The following CSMD1 variants were observed in gnomAD, a reference collection of about 807,000 sequenced individuals.
The protein encoded by CSMD1 is CUB and sushi domain-containing protein 1.
CSMD1 carries 213 observed loss-of-function variants against 417.5 expected under a neutral mutation model. The observed-to-expected ratio is 0.51, with a 90% confidence interval of 0.46 to 0.57. The LOEUF (loss-of-function observed/expected upper bound fraction) is 0.57, where lower values mean the gene tolerates loss of function less well. CSMD1 is among the 20% of genes least tolerant of loss of function. The pLI is 0.00. For missense variants in CSMD1, 6,923 were observed against 4,529.7 expected (o/e 1.53, Z -15.17); for synonymous variants, 2,862 against 1,736.8 (o/e 1.65, Z -16.11).
At chr8:3,306,166 A>T (rs1319569118) in intron 25 of CSMD1, among the ~76,000 whole-genome samples, 1 of 151,880 alleles carries the variant, frequency 6.6e-6, no homozygotes, top group Non-Finnish European at 1.5e-5. Context: ...ATAGGGTTGC[A>T]GTGAAGTAAG....
Position 4,701,912 on chromosome 8 carries a change from G to A in CSMD1, c.86-64354C>T, listed in dbSNP as rs142707462. Among the ~76,000 whole-genome samples, 3 of 152,148 alleles carry A rather than the reference G, an allele frequency of 2.0e-5. 1 individual carries two copies. Among genetic ancestry groups the A allele is most frequent in the African/African-American group, 7.2e-5 (3 of 41,432 alleles). On this transcript the variant is annotated intron_variant, in intron 1 of 69. Coordinates refer to ENST00000635120, the MANE Select transcript of CSMD1 (RefSeq NM_033225.6). Reference sequence around the variant, plus strand: ...AGAACATGTGGCACACGTACACTGTGGAATACTATGCAGCCATAAAAAGGA... The same window carrying A: ...AGAACATGTGGCACACGTACACTGTAGAATACTATGCAGCCATAAAAAGGA...
rs149362580 is a variant in CSMD1, at chr8:3,511,655, G to C, written c.1345-17929C>G. On this transcript the variant is annotated intron_variant, in intron 10 of 69. Coordinates refer to ENST00000635120, the MANE Select transcript of CSMD1 (RefSeq NM_033225.6). ...TGTCTGTGATCCCAGCTACTCAGGA[G>C]GCAAAGGCAGGAGAATCCCTTGAAC... is the stretch of plus-strand genomic sequence containing the variant. Among the ~76,000 whole-genome samples, 317 of 149,712 alleles carry C rather than the reference G, an allele frequency of 2.1e-3. 5 individuals carry two copies. The highest frequency in any genetic ancestry group is 7.8e-3 in the African/African-American group (305 of 39,274).
intron 26 of CSMD1, chr8:3,278,777 A>C (rs1439070649): frequency 6.6e-6 from 1 of 152,048 alleles, no homozygotes; most frequent in Non-Finnish European, 1.5e-5. Context: ...GCTGTTTTGC[A>C]CTTTGTGAAG....
chr8:3,304,617 A>G (rs971583092), intron 25 of CSMD1, among the ~76,000 whole-genome samples: 1 of 152,032 alleles, frequency 6.6e-6, no homozygotes, highest in Non-Finnish European at 1.5e-5. Flanking sequence ...TGTATTTATA[A>G]ATTTGATAGT....
At chr8:4,522,879 G>C (rs1373584832) in intron 2 of CSMD1, among the ~76,000 whole-genome samples, 1 of 152,122 alleles carries the variant, frequency 6.6e-6, no homozygotes, top group Non-Finnish European at 1.5e-5. Flanking sequence ...TGTTCTCCAG[G>C]AGCTTACTTC....
intron 49 of CSMD1, among the ~76,000 whole-genome samples, chr8:3,076,271 T>C (rs115826923): frequency 0.03 from 2,535 of 83,530 alleles, 65 homozygotes; most frequent in African/African-American, 0.13. Context: ...GCTGTGTCCC[T>C]GCATGGTCGC....
At chr8:3,856,607 G>A (rs1038534583) in intron 5 of CSMD1, among the ~76,000 whole-genome samples, 1 of 152,162 alleles carries the variant, frequency 6.6e-6, no homozygotes, top group Non-Finnish European at 1.5e-5. Context: ...ATATTTTATA[G>A]TCCTTTTCTA....
intron 1 of CSMD1, among the ~76,000 whole-genome samples, chr8:4,907,584 G>C (rs1585305097): frequency 1.3e-5 from 2 of 151,994 alleles, no homozygotes; most frequent in Non-Finnish European, 2.9e-5. Context: ...TTTTGAGACA[G>C]GTTTTCACTC....
Position 3,416,296 on chromosome 8 carries a change from C to G in CSMD1, c.1562-6691G>C, listed in dbSNP as rs552757777. On this transcript the variant is annotated intron_variant, in intron 12 of 69. Coordinates refer to ENST00000635120, the MANE Select transcript of CSMD1 (RefSeq NM_033225.6). ...CCAGCCTGAGCCACAGAGCCAGACT[C>G]CGTCTCAAAAAAAAAAAAAAAAAAA... Among the ~76,000 whole-genome samples the G allele has an allele frequency of 3.5e-4, 35 of 100,690 alleles. No homozygotes were observed. The South Asian group carries it at 0.013, about 36-fold the overall frequency. 66.1% of individuals were successfully genotyped at this position (100,690 alleles called of 152,430 possible). A position where few individuals can be genotyped will look rare whatever the true frequency, so the allele number is the denominator to read the frequency against.
chr8:3,174,539 A>C (rs900289387), intron 37 of CSMD1, among the ~76,000 whole-genome samples: 2 of 152,214 alleles, frequency 1.3e-5, no homozygotes, highest in African/African-American at 4.8e-5. Flanking sequence ...CATAAAGATC[A>C]CTTCTATATT....
intron 25 of CSMD1, among the ~76,000 whole-genome samples, chr8:3,305,810 G>A (rs1448821936): frequency 6.6e-6 from 1 of 152,102 alleles, no homozygotes; most frequent in Admixed American, 6.6e-5. Context: ...CTCCCGAGTA[G>A]CTGGGACTAC....
At chr8:4,119,991 TGA>T (rs1482853349) in intron 3 of CSMD1, among the ~76,000 whole-genome samples, 1 of 152,162 alleles carries the variant, frequency 6.6e-6, no homozygotes, top group Non-Finnish European at 1.5e-5. Flanking sequence ...ACCTAGTATT[TGA>T]TAGCACAATA....
intron 37 of CSMD1, among the ~76,000 whole-genome samples, chr8:3,180,691 A>G (rs1821267231): frequency 6.6e-6 from 1 of 152,054 alleles, no homozygotes; most frequent in Non-Finnish European, 1.5e-5. Context: ...GCTGGTGTGC[A>G]GTGGTGCAAT....
chr8:3,738,340 G>A (rs1285780252), intron 6 of CSMD1, among the ~76,000 whole-genome samples: 2 of 152,178 alleles, frequency 1.3e-5, no homozygotes, highest in Admixed American at 6.5e-5. Flanking sequence ...ATCGTACAAT[G>A]CATACAGGCA....
intron 3 of CSMD1, among the ~76,000 whole-genome samples, chr8:4,168,615 A>T (rs1314809522): frequency 6.6e-6 from 1 of 152,120 alleles, no homozygotes; most frequent in Non-Finnish European, 1.5e-5. Flanking sequence ...ACATGTGTGC[A>T]AGATGAACAT....
intron 49 of CSMD1, among the ~76,000 whole-genome samples, chr8:3,056,349 G>C (rs553809523): frequency 6.6e-6 from 1 of 152,212 alleles, no homozygotes; most frequent in African/African-American, 2.4e-5. Flanking sequence ...GTTTCCGCAG[G>C]CTTAAAACGT....
rs114645181 is a variant in CSMD1 at position 4,136,138 on chromosome 8, C to T, written c.416-104039G>A. On this transcript the variant is annotated intron_variant, in intron 3 of 69. Coordinates refer to ENST00000635120, the MANE Select transcript of CSMD1 (RefSeq NM_033225.6). ...TTTCCAAAGGACCTCTCAAAAAGAA[C>T]TGCTATAACTATACTGTTTTCTTAG... Among the ~76,000 whole-genome samples the T allele has an allele frequency of 8.0e-3, 1,219 of 152,276 alleles. 14 individuals are homozygous for T. The highest frequency in any genetic ancestry group is 0.028 in the African/African-American group (1,175 of 41,538).
chr8:3,363,318 T>C (rs78726970), intron 20 of CSMD1, among the ~76,000 whole-genome samples: 7,207 of 152,230 alleles, frequency 0.047, 204 homozygotes, highest in Middle Eastern at 0.092. Context: ...CATGGTACCA[T>C]TGAAGGAGAC....
intron 1 of CSMD1, among the ~76,000 whole-genome samples, chr8:4,871,693 G>C (rs1020874392): frequency 1.3e-5 from 2 of 152,084 alleles, no homozygotes; most frequent in Non-Finnish European, 2.9e-5. Flanking sequence ...AATGAATCTA[G>C]CAAAAATCCC....
Sources: gnomAD v4.1 joint callset for allele counts (sites outside exome capture counted in the v4.1 genomes callset) on GRCh38, gnomAD v4.1.1 for gene constraint, MANE v1.5 for transcripts, NCBI Gene and HGNC (gene_info 2026-07-23, HGNC 2026-07-21) for gene names.